UGGT2: variants seen among roughly 807,000 people sequenced by gnomAD.
The protein encoded by UGGT2 is UDP-glucose:glycoprotein glucosyltransferase 2.
A neutral mutation model predicts 192.1 loss-of-function variants in UGGT2; 180 were observed. That is an observed-to-expected ratio of 0.94 (90% CI 0.83 to 1.06). The LOEUF is 1.06. Among genes scored for constraint, UGGT2 ranks in the 50% least tolerant of loss-of-function variants. UGGT2 has a pLI of 0.00. For missense variants in UGGT2, 1,849 were observed against 1,795.7 expected (o/e 1.03, Z -0.54); for synonymous variants, 580 against 591.0 (o/e 0.98, Z 0.27).
intron 38 of UGGT2, among the ~76,000 whole-genome samples, chr13:95,815,776 G>A (rs1323452168): frequency 6.6e-6 from 1 of 152,144 alleles, no homozygotes; most frequent in African/African-American, 2.4e-5. Flanking sequence ...TGGCCAATAA[G>A]CACAACGATA....
At chr13:95,876,198 T>C (rs1891661717) in intron 29 of UGGT2, among the ~76,000 whole-genome samples, 1 of 152,216 alleles carries the variant, frequency 6.6e-6, no homozygotes, top group Non-Finnish European at 1.5e-5. Flanking sequence ...AGGAAAATTT[T>C]TGTGCAAAAA....
At chr13:96,026,514 C>T (rs1227774404) in intron 2 of UGGT2, among the ~76,000 whole-genome samples, 1 of 151,858 alleles carries the variant, frequency 6.6e-6, no homozygotes, top group Non-Finnish European at 1.5e-5. Context: ...ATTTCTACTC[C>T]TGGCATACAA....
chr13:95,970,289 T>G, intron 11 of UGGT2, 27 bp from the exon 12 acceptor site: 1 of 1,562,668 alleles, frequency 6.4e-7, no homozygotes, highest in Non-Finnish European at 8.7e-7. Flanking sequence ...AAAACAGTTT[T>G]ATTTTGATTT....
intron 15 of UGGT2, among the ~76,000 whole-genome samples, chr13:95,946,512 G>T (rs982299278): frequency 2.0e-5 from 3 of 152,168 alleles, no homozygotes; most frequent in Non-Finnish European, 4.4e-5. Context: ...ATGACTACAG[G>T]CATGTGCCGC....
At chr13:96,004,459 G>T (rs1446391752) in intron 5 of UGGT2, among the ~76,000 whole-genome samples, 1 of 152,094 alleles carries the variant, frequency 6.6e-6, no homozygotes, top group Non-Finnish European at 1.5e-5. Context: ...AAGAGGGGAT[G>T]GTTAATGGGT....
intron 20 of UGGT2, among the ~76,000 whole-genome samples, chr13:95,905,022 T>C (rs1333894480): frequency 6.6e-6 from 1 of 152,098 alleles, no homozygotes; most frequent in Non-Finnish European, 1.5e-5. Context: ...AATGTGGTTT[T>C]GATTTGCATT....
chr13:95,869,123 A>G (rs1346697542), intron 29 of UGGT2, among the ~76,000 whole-genome samples: 2 of 147,964 alleles, frequency 1.4e-5, no homozygotes, highest in Non-Finnish European at 3.0e-5. Context: ...CCTATGAGTG[A>G]GAACATGGCG....
rs564140362 is a variant in UGGT2 at position 96,004,371 on chromosome 13, T to G, written c.661-5064A>C. On this transcript the variant is annotated intron_variant, in intron 5 of 38. Coordinates refer to ENST00000376747, the MANE Select transcript of UGGT2 (RefSeq NM_020121.4). ...TTTCTTTGTGTTAGGAACATTCCAATTTTTGAAGTCAGGGAGACAGAGACT... is the reference window on the plus strand; with the variant it reads ...TTTCTTTGTGTTAGGAACATTCCAAGTTTTGAAGTCAGGGAGACAGAGACT... 5.9e-5 allele frequency among the ~76,000 whole-genome samples: 9 copies of G among 152,238 alleles called. No homozygotes were observed. The South Asian group carries it at 1.9e-3, about 32-fold the overall frequency.
Position 95,947,976 on chromosome 13 carries a change from T to C in UGGT2, c.1541+20A>G. The C allele has an allele frequency of 6.3e-7, 1 of 1,578,438 alleles. No individual in the cohort carries two copies. The highest frequency in any genetic ancestry group is 8.7e-7 in the Non-Finnish European group (1 of 1,148,812). Reference sequence around the variant, plus strand: ...GAATTTCCTTTAGTTGACAGTTTAATGCTATAAAATGACAATTACCTAAGA... The same window carrying C: ...GAATTTCCTTTAGTTGACAGTTTAACGCTATAAAATGACAATTACCTAAGA... On this transcript the variant is annotated intron_variant, in intron 14 of 38. Transcript: ENST00000376747.
At position 95,928,871 on chromosome 13, in the gene UGGT2, C is replaced by T. The variant is rs537489154; in HGVS notation, c.1978-1535G>A. On this transcript the variant is annotated intron_variant, in intron 17 of 38. Coordinates refer to ENST00000376747, the MANE Select transcript of UGGT2 (RefSeq NM_020121.4). ...CTGGGAGGTGGAGGTTGTAGTGAGC[C>T]GAGATCATGCCACTGCACTCCAGCC... 6.5e-3 allele frequency among the ~76,000 whole-genome samples: 986 copies of T among 152,218 alleles called. 10 individuals are homozygous for T. Among genetic ancestry groups the T allele is most frequent in the African/African-American group, 0.023 (943 of 41,508 alleles).
intron 1 of UGGT2, among the ~76,000 whole-genome samples, chr13:96,034,821 C>T (rs533073142): frequency 1.3e-5 from 2 of 152,326 alleles, no homozygotes; most frequent in South Asian, 2.1e-4. Context: ...TGCGCAGTGG[C>T]CGGACCCTGT....
intron 12 of UGGT2, among the ~76,000 whole-genome samples, chr13:95,950,595 G>GAAAAAAA (rs11452928): frequency 7.6e-6 from 1 of 130,986 alleles, no homozygotes; most frequent in Non-Finnish European, 1.6e-5. Context: ...AATGAAACAG[G>GAAAAAAA]AAAAAAAAAA....
chr13:95,984,403 A>T (rs1038148404), intron 9 of UGGT2, among the ~76,000 whole-genome samples: 2 of 152,020 alleles, frequency 1.3e-5, no homozygotes, highest in Non-Finnish European at 2.9e-5. Flanking sequence ...ATCACAACTC[A>T]CTGTAGTCTC....
intron 2 of UGGT2, 43 bp downstream of exon 2, chr13:96,031,846 C>A: frequency 7.0e-7 from 1 of 1,433,904 alleles, no homozygotes; most frequent in Non-Finnish European, 9.7e-7. Flanking sequence ...AATGTGTGTA[C>A]ATAAATACAA....
At chr13:95,870,940 T>C (rs1378777151) in intron 29 of UGGT2, among the ~76,000 whole-genome samples, 1 of 152,244 alleles carries the variant, frequency 6.6e-6, no homozygotes, top group Non-Finnish European at 1.5e-5. Flanking sequence ...CCTTCTGCCA[T>C]AGGGCAATGC....
chr13:95,930,928 C>T (rs564522672), intron 17 of UGGT2, among the ~76,000 whole-genome samples: 1 of 152,156 alleles, frequency 6.6e-6, no homozygotes, highest in Non-Finnish European at 1.5e-5. Context: ...GACCCAAAGA[C>T]TGAGCAGCAG....
intron 11 of UGGT2, among the ~76,000 whole-genome samples, chr13:95,970,577 T>C (rs1314527293): frequency 6.6e-6 from 1 of 152,052 alleles, no homozygotes; most frequent in Non-Finnish European, 1.5e-5. Flanking sequence ...AAAAAAAATA[T>C]TAGGTCACTC....
chr13:96,024,199 G>T (rs768106790), intron 2 of UGGT2, among the ~76,000 whole-genome samples: 3 of 152,162 alleles, frequency 2.0e-5, no homozygotes, highest in Non-Finnish European at 2.9e-5. Flanking sequence ...AGTATAATTA[G>T]TGTATCCAGA....
intron 7 of UGGT2, 46 bp from the exon 8 acceptor site, chr13:95,990,119 A>G: frequency 7.9e-7 from 1 of 1,265,002 alleles, no homozygotes; most frequent in Non-Finnish European, 1.1e-6. Flanking sequence ...ACCTATCACA[A>G]ACCATTATAC....
Sources: gnomAD v4.1 joint callset for allele counts (sites outside exome capture counted in the v4.1 genomes callset) on GRCh38, gnomAD v4.1.1 for gene constraint, MANE v1.5 for transcripts, NCBI Gene and HGNC (gene_info 2026-07-23, HGNC 2026-07-21) for gene names.